CCDC3: variants seen among roughly 807,000 people sequenced by gnomAD.
The protein encoded by CCDC3 is coiled-coil domain containing 3, also known as coiled-coil domain-containing protein 3.
A neutral mutation model predicts 21.4 loss-of-function variants in CCDC3; 24 were observed. The observed-to-expected ratio is 1.12, with a 90% confidence interval of 0.81 to 1.58. The LOEUF is 1.58. CCDC3 is among the 40% of genes most tolerant of loss of function. The pLI is 0.00. For missense variants in CCDC3, 425 were observed against 360.9 expected, an observed-to-expected ratio of 1.18 and a Z score of -1.44; for synonymous variants, 186 against 166.0, an observed-to-expected ratio of 1.12 and a Z score of -0.93.
chr10:13,010,104 A>C (rs376438275), intron 5 of CCDC3, among the ~76,000 whole-genome samples: 1 of 151,940 alleles, frequency 6.6e-6, no homozygotes, highest in Non-Finnish European at 1.5e-5. Context: ...AAAAATTAGC[A>C]GGGTGTGGTG....
At chr10:12,977,120 GAAA>G (rs1302005695) in intron 2 of CCDC3, among the ~76,000 whole-genome samples, 1 of 152,052 alleles carries the variant, frequency 6.6e-6, no homozygotes, top group Non-Finnish European at 1.5e-5. Context: ...CCAAAAAACA[GAAA>G]AATTAGCTGG....
intron 5 of CCDC3, among the ~76,000 whole-genome samples, chr10:13,014,760 G>A (rs1836030419): frequency 6.6e-6 from 1 of 152,116 alleles, no homozygotes; most frequent in Non-Finnish European, 1.5e-5. Context: ...ATAAAAGTGA[G>A]AAGAAAATTT....
chr10:13,014,685 A>G (rs1294529347), intron 5 of CCDC3, among the ~76,000 whole-genome samples: 1 of 152,052 alleles, frequency 6.6e-6, no homozygotes, highest in African/African-American at 2.4e-5. Context: ...GCAGATGATG[A>G]GTATCCTATA....
chr10:13,001,110 G>A, intron 1 of CCDC3, 87 bp downstream of exon 1: 2 of 1,463,812 alleles, frequency 1.4e-6, no homozygotes, highest in African/African-American at 2.8e-5. Context: ...GGCTGCCCGG[G>A]GAGTTACCGG....
chr10:12,991,357 G>A (rs1245005387), intron 2 of CCDC3, among the ~76,000 whole-genome samples: 2 of 151,316 alleles, frequency 1.3e-5, no homozygotes, highest in Non-Finnish European at 2.9e-5. Flanking sequence ...GTCTTGCTCT[G>A]TTGCCCAGAC....
At chr10:12,948,728 G>GTTT (rs72323989) in intron 2 of CCDC3, among the ~76,000 whole-genome samples, 48,955 of 90,132 alleles carry the variant, frequency 0.54, 15,174 homozygotes, top group East Asian at 0.79. Context: ...TTTTAAGGCA[G>GTTT]TTTTTTTTTT....
intron 5 of CCDC3, among the ~76,000 whole-genome samples, chr10:13,014,471 G>GA (rs58040998): frequency 0.71 from 97,333 of 137,404 alleles, 34,808 homozygotes; most frequent in Non-Finnish European, 0.78. Context: ...AAAAAAAAAA[G>GA]AAAAAAAAAA....
chr10:12,981,913 G>C (rs564800455), intron 2 of CCDC3, among the ~76,000 whole-genome samples: 6 of 151,588 alleles, frequency 4.0e-5, no homozygotes, highest in Non-Finnish European at 8.8e-5. Flanking sequence ...TCACAAGGTC[G>C]AGAAATCAAG....
intron 2 of CCDC3, among the ~76,000 whole-genome samples, chr10:12,900,021 C>T (rs1339759335): frequency 6.6e-6 from 1 of 152,098 alleles, no homozygotes; most frequent in Non-Finnish European, 1.5e-5. Context: ...GAATAAGTCT[C>T]AAGAGATCGG....
At position 12,898,004 on chromosome 10, in the gene CCDC3, T is replaced by A. The variant is rs566424138; in HGVS notation, c.*412A>T. The A allele has an allele frequency of 5.0e-4, 85 of 168,824 alleles. No homozygotes were observed. Among genetic ancestry groups the A allele is most frequent in the Middle Eastern group, 3.0e-3 (1 of 334 alleles). The allele number at this position is 168,824 out of a possible 1,614,324, so 10.5% of individuals were successfully genotyped here. On this transcript the variant is annotated 3_prime_UTR_variant, in exon 3 of 3. Transcript: ENST00000378825. ...CCAGCGTCAGCTCACTCATCAGGAC[T>A]AATGGTTGTCCTGGACTGGGGAGCT...
intron 3 of CCDC3, among the ~76,000 whole-genome samples, chr10:13,090,034 G>GATAGATAGATAGATAGATAGATAT (rs1259341208): frequency 1.5e-5 from 2 of 129,168 alleles, no homozygotes; most frequent in African/African-American, 6.1e-5. Flanking sequence ...TATTCCGTTA[G>GATAGATAGATAGATAGATAGATAT]ATATATATAT....
chr10:13,022,187 T>G (rs1836155282), intron 5 of CCDC3, among the ~76,000 whole-genome samples: 1 of 152,158 alleles, frequency 6.6e-6, no homozygotes, highest in Non-Finnish European at 1.5e-5. Flanking sequence ...ACAGACGTCC[T>G]CCTCTCTTCA....
At chr10:13,073,221 C>A (rs56026821) in intron 4 of CCDC3, among the ~76,000 whole-genome samples, 2 of 152,040 alleles carry the variant, frequency 1.3e-5, no homozygotes, top group African/African-American at 2.4e-5. Context: ...AAGAAAAATA[C>A]CATTTTACCG....
chr10:12,991,123 C>A (rs971773242), intron 2 of CCDC3, among the ~76,000 whole-genome samples: 2 of 152,126 alleles, frequency 1.3e-5, no homozygotes, highest in African/African-American at 4.8e-5. Flanking sequence ...TGTTCTAGAG[C>A]CCTTTCTGAA....
chr10:13,017,623 A>G (rs1004621542), intron 5 of CCDC3, among the ~76,000 whole-genome samples: 2 of 150,988 alleles, frequency 1.3e-5, no homozygotes, highest in Non-Finnish European at 3.0e-5. Flanking sequence ...AGATTTTTAG[A>G]TACTAATGGA....
intron 5 of CCDC3, among the ~76,000 whole-genome samples, chr10:13,023,013 T>A (rs532590449): frequency 4.0e-5 from 6 of 149,786 alleles, no homozygotes; most frequent in African/African-American, 1.5e-4. Context: ...AGAAAGAGAG[T>A]CAAATAGAAA....
At chr10:12,962,342 C>G (rs1031694074) in intron 2 of CCDC3, among the ~76,000 whole-genome samples, 1 of 152,182 alleles carries the variant, frequency 6.6e-6, no homozygotes, top group Non-Finnish European at 1.5e-5. Flanking sequence ...CAGTGGCTCA[C>G]GCCTGTAATC....
chr10:13,008,260 C>T (rs1270571990), intron 5 of CCDC3, among the ~76,000 whole-genome samples: 10 of 152,196 alleles, frequency 6.6e-5, no homozygotes, highest in Admixed American at 3.3e-4. Flanking sequence ...TGAGCAAGAA[C>T]AGGGGACTTC....
At chr10:13,038,510 A>C (rs1283950615) in intron 5 of CCDC3, among the ~76,000 whole-genome samples, 1 of 152,202 alleles carries the variant, frequency 6.6e-6, no homozygotes, top group Non-Finnish European at 1.5e-5. Context: ...ACAGACCAGT[A>C]TTTATGTTCT....
Sources: allele counts gnomAD v4.1 joint callset (sites outside exome capture counted in the v4.1 genomes callset), GRCh38; gene constraint gnomAD v4.1.1; transcripts MANE v1.5; gene names NCBI Gene and HGNC (gene_info 2026-07-23, HGNC 2026-07-21).